The following NOTCH1 variants were observed in gnomAD, a reference collection of about 807,000 sequenced individuals.
The protein encoded by NOTCH1 is notch receptor 1.
In NOTCH1, 37 loss-of-function variants were observed where a neutral mutation model predicts 254.8. The ratio of observed to expected loss-of-function variants is 0.15; its 90% CI spans 0.11 to 0.19. The LOEUF (loss-of-function observed/expected upper bound fraction) is 0.19, where lower values mean the gene tolerates loss of function less well. Among genes scored for constraint, NOTCH1 ranks in the 10% least tolerant of loss-of-function variants. The pLI is 1.00. For synonymous variants in NOTCH1, 1,731 were observed against 1,618.1 expected, an observed-to-expected ratio of 1.07 and a Z score of -1.68; for missense variants, 2,972 against 3,708.6, an observed-to-expected ratio of 0.80 and a Z score of 5.16.
chr9:136,527,433 G>A (rs1169390910), intron 2 of NOTCH1, among the ~76,000 whole-genome samples: 2 of 152,162 alleles, frequency 1.3e-5, no homozygotes, highest in Admixed American at 6.5e-5. Flanking sequence ...GGGCTTGGCC[G>A]AGTGAGGTGG....
In NOTCH1 at chr9:136,506,711, C is replaced by A; in HGVS notation, c.3901+5G>T. 2 of 1,597,794 alleles carry A rather than the reference C, an allele frequency of 1.3e-6. No individual in the cohort carries two copies. The highest frequency in any genetic ancestry group is 1.7e-6 in the Non-Finnish European group (2 of 1,173,020). On this transcript the variant is annotated splice_donor_5th_base_variant and intron_variant, in intron 23 of 33. Transcript: ENST00000651671. This position sits in a 1 kb window ranked among gnomAD's most constrained non-coding sequence, Gnocchi z 4.5. ...ACGCCCCACCCGCCTGGGCGCGGCA[C>A]CCACCGGTGTGACCAGCACGGCACT...
rs2133322910 is a variant in NOTCH1, at chr9:136,499,191, C to G, written c.6003G>C (p.Leu2001=). The part of the protein sequence containing the change: ...RMHDGTTPLI[L]AARLAVEGML... ...TGCCCTCCACGGCCAGGCGGGCAGCCAGGATCAGTGGCGTCGTGCCATCAT... is the reference window on the plus strand; with the variant it reads ...TGCCCTCCACGGCCAGGCGGGCAGCGAGGATCAGTGGCGTCGTGCCATCAT... The change falls in exon 32 of 34, where the codon CTG becomes CTC. Residue 2001 remains leucine, a synonymous_variant. Transcript: ENST00000651671. The G allele has an allele frequency of 6.2e-7, 1 of 1,613,418 alleles. No individual in the cohort carries two copies. The highest frequency in any genetic ancestry group is 1.1e-5 in the South Asian group (1 of 91,088).
chr9:136,522,155 T>G (rs1246287555), intron 4 of NOTCH1, among the ~76,000 whole-genome samples: 1 of 152,082 alleles, frequency 6.6e-6, no homozygotes, highest in Non-Finnish European at 1.5e-5. Context: ...TTTTTTGTAT[T>G]TTTAGTAGAG....
chr9:136,544,059 C>A lies in NOTCH1; in HGVS notation c.105G>T (p.Gly35=), dbSNP rs1477771733. The A allele has an allele frequency of 6.3e-7, 1 of 1,580,540 alleles. No individual in the cohort carries two copies. Among genetic ancestry groups the A allele is most frequent in the East Asian group, 2.3e-5 (1 of 43,256 alleles). Residue 35 remains glycine (G), a synonymous_variant, in exon 2 of 34, where the codon GGG becomes GGT. Transcript: ENST00000651671. The part of the protein sequence containing the change: ...SQPGETCLNG[G]KCEAANGTEA... Reference sequence around the variant, plus strand: ...CCGTGCCATTGGCCGCTTCACACTTCCCGCCATTCAGGCAGGTCTCACCGG... The same window carrying A: ...CCGTGCCATTGGCCGCTTCACACTTACCGCCATTCAGGCAGGTCTCACCGG...
chr9:136,529,358 C>T (rs1843522686), intron 2 of NOTCH1, among the ~76,000 whole-genome samples: 1 of 152,202 alleles, frequency 6.6e-6, no homozygotes, highest in Non-Finnish European at 1.5e-5. Flanking sequence ...CAGGGGGAGT[C>T]CTGGGACCTC....
chr9:136,538,311 G>A (rs1294357974), intron 2 of NOTCH1, among the ~76,000 whole-genome samples: 2 of 149,042 alleles, frequency 1.3e-5, no homozygotes, highest in South Asian at 2.3e-4. Context: ...GGCGACCACC[G>A]AGCCCAGCGC....
intron 2 of NOTCH1, among the ~76,000 whole-genome samples, chr9:136,537,153 G>A (rs1219237065): frequency 4.6e-5 from 7 of 152,322 alleles, no homozygotes; most frequent in Non-Finnish European, 8.8e-5. Flanking sequence ...CAGAGTGAGC[G>A]CCATCTCTTC....
rs1053067100 is a variant in NOTCH1 at position 136,495,266 on chromosome 9, G to A, written c.*805C>T. 13 of 398,860 alleles carry A rather than the reference G, an allele frequency of 3.3e-5. No individual in the cohort carries two copies. The highest frequency in any genetic ancestry group is 4.1e-5 in the African/African-American group (2 of 48,640). 24.7% of individuals were successfully genotyped at this position (398,860 alleles called of 1,614,324 possible). On this transcript the variant is annotated 3_prime_UTR_variant, in exon 34 of 34. Transcript: ENST00000651671. The stretch of plus-strand genomic sequence containing the variant: ...TGCATGATGCCTACATTTCAAGAAC[G>A]GGCAGGGGGCCGGGGTGGTTCTGGA...
At chr9:136,528,192 A>G (rs1443689579) in intron 2 of NOTCH1, among the ~76,000 whole-genome samples, 2 of 144,654 alleles carry the variant, frequency 1.4e-5, no homozygotes, top group African/African-American at 2.6e-5. Context: ...ATGGTCATGC[A>G]GGGCCAGGGA....
rs768311067 is a variant in NOTCH1, at chr9:136,496,412, C to T, written c.7327G>A (p.Val2443Met). 1.2e-5 allele frequency: 19 copies of T among 1,599,332 alleles called. No homozygotes were observed. In the East Asian group the frequency reaches 1.6e-4, roughly 13 times the overall value. Residue 2443 changes from valine to methionine, a missense_variant, in exon 34 of 34, where the codon GTG becomes ATG. By Grantham distance (21) the Val-to-Met change is conservative. This residue lies in a region of NOTCH1 where 529 missense variants were observed against 529.2 expected (regional missense o/e 1.00). Coordinates refer to ENST00000651671, the MANE Select transcript of NOTCH1 (RefSeq NM_017617.5). ...AGGCTGCTGGGGCCCAGTGGCTGCACGTCTGCCTGGCTCGGCTCTCCACTC... is the reference window on the plus strand; with the variant it reads ...AGGCTGCTGGGGCCCAGTGGCTGCATGTCTGCCTGGCTCGGCTCTCCACTC... Reference protein sequence around the residue: ...FLSGEPSQADVQPLGPSSLAV... With the variant: ...FLSGEPSQADMQPLGPSSLAV...
intron 2 of NOTCH1, among the ~76,000 whole-genome samples, chr9:136,528,310 C>A (rs1406752616): frequency 8.0e-6 from 1 of 125,628 alleles, no homozygotes; most frequent in African/African-American, 3.2e-5. Context: ...GCCACAGGAA[C>A]CAGAGACCCT....
chr9:136,513,291 A>C lies in NOTCH1; in HGVS notation c.2353+101T>G. 1 of 1,562,562 alleles carries C rather than the reference A, an allele frequency of 6.4e-7. No homozygotes were observed. Among genetic ancestry groups the C allele is most frequent in the South Asian group, 1.1e-5 (1 of 89,032 alleles). On this transcript the variant is annotated intron_variant, in intron 14 of 33. Coordinates refer to ENST00000651671, the MANE Select transcript of NOTCH1 (RefSeq NM_017617.5). The surrounding 1 kb of genome is among the most constrained non-coding windows in gnomAD (Gnocchi z 4.7). ...TAAGGCTTTGCCACGGGAGGGAGACACCATGCATGGTGCTGGCTGGACCTG... is the reference window on the plus strand; with the variant it reads ...TAAGGCTTTGCCACGGGAGGGAGACCCCATGCATGGTGCTGGCTGGACCTG...
intron 1 of NOTCH1, among the ~76,000 whole-genome samples, chr9:136,544,335 G>A (rs978102156): frequency 6.6e-6 from 1 of 152,230 alleles, no homozygotes; most frequent in Non-Finnish European, 1.5e-5. Context: ...CAGAAATGGG[G>A]GGAAGGGGAG....
At chr9:136,518,335 G>A in intron 6 of NOTCH1, 43 bp from the exon 7 acceptor site, 1 of 1,586,276 alleles carries the variant, frequency 6.3e-7, no homozygotes, top group South Asian at 1.1e-5. Flanking sequence ...CCCTGGGCCA[G>A]GCATGGCACA....
In NOTCH1 at chr9:136,542,544, CAA is replaced by C. The variant is rs1174860714; in HGVS notation, c.140+1478_140+1479del. Among the ~76,000 whole-genome samples the C allele has an allele frequency of 5.0e-3, 265 of 52,490 alleles. 2 individuals carry two copies. Among genetic ancestry groups the C allele is most frequent in the African/African-American group, 0.015 (233 of 15,904 alleles). 34.4% of individuals were successfully genotyped at this position (52,490 alleles called of 152,430 possible). A position where few individuals can be genotyped will look rare whatever the true frequency, so the allele number is the denominator to read the frequency against. ...AGAGGGAGAAGGGGGCCCCAAAAAG[CAA>C]AAAAAAAAAAAAAAAAAAAAGTAGT... is the stretch of plus-strand genomic sequence containing the variant. On this transcript the variant is annotated intron_variant, in intron 2 of 33. Coordinates refer to ENST00000651671, the MANE Select transcript of NOTCH1 (RefSeq NM_017617.5).
Position 136,494,941 on chromosome 9 carries a change from T to C in NOTCH1, c.*1130A>G, listed in dbSNP as rs565867399. On this transcript the variant is annotated 3_prime_UTR_variant, in exon 34 of 34. Transcript: ENST00000651671. ...AGCCCCTGCCCGACCGCATGCCCCCTGCCAGGGCTGCGGGGACAGGACCAA... is the reference window on the plus strand; with the variant it reads ...AGCCCCTGCCCGACCGCATGCCCCCCGCCAGGGCTGCGGGGACAGGACCAA... 9 of 398,816 alleles carry C rather than the reference T, an allele frequency of 2.3e-5. No homozygotes were observed. The East Asian group carries it at 2.8e-4, about 13-fold the overall frequency. The allele number at this position is 398,816 out of a possible 1,614,324, so 24.7% of individuals were successfully genotyped here.
chr9:136,517,980 G>T, intron 7 of NOTCH1, 43 bp from the exon 8 acceptor site: 3 of 1,599,926 alleles, frequency 1.9e-6, no homozygotes, highest in Non-Finnish European at 2.5e-6. Flanking sequence ...AGGCACCCTG[G>T]CCCCTGCAAC....
In NOTCH1 at chr9:136,496,108, T is replaced by C. The variant is rs764749582; in HGVS notation, c.7631A>G (p.Gln2544Arg). The change falls in exon 34 of 34, where the codon CAG (glutamine) becomes CGG (arginine). Residue 2544 changes from glutamine (Q) to arginine (R), a missense_variant. Physicochemically the swap from Gln to Arg is conservative, Grantham distance 43. This residue lies in a region of NOTCH1 where 85 missense variants were observed against 126.1 expected (regional missense o/e 0.67). Coordinates refer to ENST00000651671, the MANE Select transcript of NOTCH1 (RefSeq NM_017617.5). The part of the protein sequence containing the change: ...EGVSSPPTSM[Q>R]SQIARIPEAF... Reference sequence around the variant, plus strand: ...CTCCGGAATGCGGGCGATCTGGGACTGCATGCTGGTGGGAGGGCTGGAGAC... The same window carrying C: ...CTCCGGAATGCGGGCGATCTGGGACCGCATGCTGGTGGGAGGGCTGGAGAC... The C allele has an allele frequency of 8.7e-6, 14 of 1,608,690 alleles. No individual in the cohort carries two copies. Among genetic ancestry groups the C allele is most frequent in the South Asian group, 4.4e-5 (4 of 90,036 alleles).
intron 2 of NOTCH1, among the ~76,000 whole-genome samples, chr9:136,526,873 G>C (rs1238967983): frequency 6.6e-6 from 1 of 152,230 alleles, no homozygotes; most frequent in Non-Finnish European, 1.5e-5. Context: ...CTCCCAGCGG[G>C]TGGGGCAGGA....
Sources: gnomAD v4.1 joint callset for allele counts (sites outside exome capture counted in the v4.1 genomes callset) on GRCh38, gnomAD v4.1.1 for gene constraint, gnomAD v4.1.1 regional missense constraint, Gnocchi (gnomAD v3.1) non-coding constraint, MANE v1.5 for transcripts, NCBI Gene and HGNC (gene_info 2026-07-23, HGNC 2026-07-21) for gene names.